The following XXYLT1 variants were observed in gnomAD, a reference collection of about 807,000 sequenced individuals.
XXYLT1 encodes UDP-xylose:alpha-xyloside alpha-1,3-xylosyltransferase.
XXYLT1 carries 20 observed loss-of-function variants against 28.9 expected under a neutral mutation model. That is an observed-to-expected ratio of 0.69 (90% confidence interval 0.49 to 1.00). The LOEUF (loss-of-function observed/expected upper bound fraction) is 1.00, where lower values mean the gene tolerates loss of function less well. Ranked by LOEUF, XXYLT1 falls within the 50% of genes least tolerant of loss-of-function variation. The pLI is 0.00. For synonymous variants in XXYLT1, 257 were observed against 253.8 expected (o/e 1.01, Z -0.12); for missense variants, 542 against 560.1 (o/e 0.97, Z 0.33).
chr3:195,135,654 A>G (rs1287476759), intron 3 of XXYLT1, among the ~76,000 whole-genome samples: 2 of 152,210 alleles, frequency 1.3e-5, no homozygotes, highest in Non-Finnish European at 1.5e-5. Context: ...TGCAGTACAT[A>G]GCAGGATGGG....
At position 195,176,306 on chromosome 3, in the gene XXYLT1, C is replaced by T. The variant is rs1187996763; in HGVS notation, c.653-19725G>A. On this transcript the variant is annotated intron_variant, in intron 2 of 3. Transcript: ENST00000310380. This position sits in a 1 kb window ranked among gnomAD's most constrained non-coding sequence, Gnocchi z 4.9. Reference sequence around the variant, plus strand: ...CAACATGACCACATTCCAGTAATGACCTGAAAGGGAGAAGAGGTGACGTTC... The same window carrying T: ...CAACATGACCACATTCCAGTAATGATCTGAAAGGGAGAAGAGGTGACGTTC... Among the ~76,000 whole-genome samples the T allele has an allele frequency of 6.6e-6, 1 of 152,136 alleles. No homozygotes were observed. The highest frequency in any genetic ancestry group is 1.5e-5 in the Non-Finnish European group (1 of 68,030).
intron 2 of XXYLT1, among the ~76,000 whole-genome samples, chr3:195,197,887 AG>A (rs1294616591): frequency 6.6e-6 from 1 of 152,204 alleles, no homozygotes; most frequent in African/African-American, 2.4e-5. Context: ...AGCGAACCAG[AG>A]GCTTCCTTCC....
chr3:195,086,952 C>T (rs1001292672), intron 3 of XXYLT1, among the ~76,000 whole-genome samples: 3 of 152,150 alleles, frequency 2.0e-5, no homozygotes, highest in Non-Finnish European at 4.4e-5. Context: ...AGGCCCCTCC[C>T]CGATACCTCC....
intron 1 of XXYLT1, chr3:195,260,044 C>G (rs1453505935): frequency 2.0e-5 from 3 of 152,430 alleles, no homozygotes; most frequent in African/African-American, 4.8e-5. Flanking sequence ...GACCGCCCGC[C>G]GCAGCCCCGC....
At chr3:195,110,645 A>C (rs1278082004) in intron 3 of XXYLT1, among the ~76,000 whole-genome samples, 55 of 53,176 alleles carry the variant, frequency 1.0e-3, no homozygotes, top group Admixed American at 2.6e-3. Flanking sequence ...GTGATGTATA[A>C]GTGTGTGTGG....
rs539891661 is a variant in XXYLT1, at chr3:195,210,906, C to T, written c.652+15803G>A. 2.0e-5 allele frequency among the ~76,000 whole-genome samples: 3 copies of T among 152,300 alleles called. No individual in the cohort carries two copies. The highest frequency in any genetic ancestry group is 7.2e-5 in the African/African-American group (3 of 41,568). Reference sequence around the variant, plus strand: ...ACCCCTGCTCCTCCCCCCAGCTGAACGCTGACAGTCAAGGGCAGCACCCGC... The same window carrying T: ...ACCCCTGCTCCTCCCCCCAGCTGAATGCTGACAGTCAAGGGCAGCACCCGC... On this transcript the variant is annotated intron_variant, in intron 2 of 3. Coordinates refer to ENST00000310380, the MANE Select transcript of XXYLT1 (RefSeq NM_152531.5). This position sits in a 1 kb window ranked among gnomAD's most constrained non-coding sequence, Gnocchi z 4.8.
chr3:195,205,251 A>G (rs578194952), intron 2 of XXYLT1, among the ~76,000 whole-genome samples: 1 of 152,390 alleles, frequency 6.6e-6, no homozygotes, highest in African/African-American at 2.4e-5. Context: ...TACTAGCCGC[A>G]AACTGGGGAC....
At chr3:195,177,154 G>A (rs1436937811) in intron 2 of XXYLT1, among the ~76,000 whole-genome samples, 1 of 152,200 alleles carries the variant, frequency 6.6e-6, no homozygotes, top group East Asian at 1.9e-4. Flanking sequence ...GGCTGTCCGT[G>A]CAGAATCACC....
At chr3:195,204,562 G>C (rs969202216) in intron 2 of XXYLT1, among the ~76,000 whole-genome samples, 1 of 151,864 alleles carries the variant, frequency 6.6e-6, no homozygotes, top group Non-Finnish European at 1.5e-5. Flanking sequence ...CCAGGTCAGG[G>C]ATGAATGACA....
intron 3 of XXYLT1, among the ~76,000 whole-genome samples, chr3:195,084,902 G>C (rs555861266): frequency 6.6e-6 from 1 of 152,326 alleles, no homozygotes; most frequent in Non-Finnish European, 1.5e-5. Flanking sequence ...TGGCAGGGGA[G>C]CTTCTCTAAT....
chr3:195,270,534 C>T, intron 1 of XXYLT1, 21 bp downstream of exon 1: 1 of 1,368,490 alleles, frequency 7.3e-7, no homozygotes. Context: ...CACCGGGAGC[C>T]CCCAGCCGCG....
chr3:195,158,412 C>T (rs2108686329), intron 2 of XXYLT1, among the ~76,000 whole-genome samples: 1 of 152,336 alleles, frequency 6.6e-6, no homozygotes, highest in South Asian at 2.1e-4. Context: ...GCATCTTCAT[C>T]TTGTCTTAAT....
chr3:195,140,125 G>A (rs1719407582), intron 3 of XXYLT1, among the ~76,000 whole-genome samples: 1 of 152,124 alleles, frequency 6.6e-6, no homozygotes, highest in African/African-American at 2.4e-5. Context: ...GCAGCTCTTG[G>A]GAATTTCTGA....
At chr3:195,167,317 G>A (rs9824084) in intron 2 of XXYLT1, among the ~76,000 whole-genome samples, 21,516 of 152,152 alleles carry the variant, frequency 0.14, 1,796 homozygotes, top group East Asian at 0.28. Flanking sequence ...TGAGCCGGGC[G>A]CGGTGACTCA....
At chr3:195,139,244 T>C (rs1719357540) in intron 3 of XXYLT1, among the ~76,000 whole-genome samples, 1 of 152,186 alleles carries the variant, frequency 6.6e-6, no homozygotes, top group Non-Finnish European at 1.5e-5. Context: ...GACAGTCCCT[T>C]GGCTGCAGAG....
At chr3:195,093,472 T>A (rs1220909457) in intron 3 of XXYLT1, among the ~76,000 whole-genome samples, 3 of 135,088 alleles carry the variant, frequency 2.2e-5, no homozygotes, top group Non-Finnish European at 1.5e-5. Flanking sequence ...TAGGTGGGAA[T>A]TGAACAGTGA....
At chr3:195,135,991 A>C (rs1368125582) in intron 3 of XXYLT1, among the ~76,000 whole-genome samples, 1 of 152,156 alleles carries the variant, frequency 6.6e-6, no homozygotes, top group East Asian at 1.9e-4. Context: ...GGCTGGATAC[A>C]GTTTCCACTA....
At chr3:195,184,055 C>G (rs1045101292) in intron 2 of XXYLT1, among the ~76,000 whole-genome samples, 7 of 152,196 alleles carry the variant, frequency 4.6e-5, no homozygotes, top group Non-Finnish European at 1.0e-4. Flanking sequence ...AAAAGACACA[C>G]AAATGGCCTA....
chr3:195,134,868 T>TGTGTGTGTGTGTGC (rs996449867), intron 3 of XXYLT1, among the ~76,000 whole-genome samples: 2 of 100,124 alleles, frequency 2.0e-5, no homozygotes, highest in Non-Finnish European at 4.2e-5. Flanking sequence ...TGTGTGTGTG[T>TGTGTGTGTGTGTGC]GCGTGTGCGC....
Sources: allele counts gnomAD v4.1 joint callset (sites outside exome capture counted in the v4.1 genomes callset), GRCh38; gene constraint gnomAD v4.1.1; non-coding constraint Gnocchi (gnomAD v3.1); transcripts MANE v1.5; gene names NCBI Gene and HGNC (gene_info 2026-07-23, HGNC 2026-07-21).